Variants in TEPSIN observed in about 807,000 individuals in gnomAD.
The protein encoded by TEPSIN is AP-4 complex accessory subunit tepsin.
TEPSIN carries 50 observed loss-of-function variants against 48.5 expected under a neutral mutation model. That is an observed-to-expected ratio of 1.03 (90% CI 0.82 to 1.31). TEPSIN has a LOEUF of 1.31. TEPSIN is among the 50% of genes most tolerant of loss of function. The probability of loss-of-function intolerance (pLI) is 0.00; values close to 1 mark genes in which losing one functional copy is unlikely to be tolerated. For synonymous variants in TEPSIN, 392 were observed against 358.8 expected (o/e 1.09, Z -1.05); for missense variants, 838 against 815.9 (o/e 1.03, Z -0.33).
intron 2 of TEPSIN, 113 bp downstream of exon 2, chr17:81,237,274 T>C: frequency 7.5e-7 from 1 of 1,328,452 alleles, no homozygotes; most frequent in Non-Finnish European, 1.1e-6. Flanking sequence ...GTTACAATAA[T>C]AAAGGAGCCG....
In TEPSIN at chr17:81,233,085, A is replaced by G. The variant is rs2062651163; in HGVS notation, c.526+347T>C. 2 of 386,140 alleles carry G rather than the reference A, an allele frequency of 5.2e-6. No homozygotes were observed. The allele number at this position is 386,140 out of a possible 1,614,324, so 23.9% of individuals were successfully genotyped here. A position where few individuals can be genotyped will look rare whatever the true frequency, so the allele number is the denominator to read the frequency against. On this transcript the variant is annotated intron_variant, in intron 7 of 12. Transcript: ENST00000637944. This position sits in a 1 kb window ranked among gnomAD's most constrained non-coding sequence, Gnocchi z 5.8. Reference sequence around the variant, plus strand: ...TTGTCCACTGGTACTGCCCCACCTCATAACAGCTCCACACGGGACTGCCTG... The same window carrying G: ...TTGTCCACTGGTACTGCCCCACCTCGTAACAGCTCCACACGGGACTGCCTG...
Position 81,232,342 on chromosome 17 carries a change from G to A in TEPSIN, c.703C>T (p.Leu235Phe). The A allele has an allele frequency of 1.3e-6, 2 of 1,534,296 alleles. No homozygotes were observed. The highest frequency in any genetic ancestry group is 1.7e-6 in the Non-Finnish European group (2 of 1,145,556). Residue 235 changes from leucine (L) to phenylalanine (F), a missense_variant, in exon 8 of 13, where the codon CTC becomes TTC. By Grantham distance (22) the Leu-to-Phe change is conservative (BLOSUM62 0). Coordinates refer to ENST00000637944, the MANE Select transcript of TEPSIN (RefSeq NM_001363764.2). ...CGGGGACCTGGAATGGCCCCGGGGA[G>A]TAGGTTCCCCAGGGTTGGGGGACCG... ...SHGPPTLGNL[L>F]PGAIPGPRAV...
Position 81,233,324 on chromosome 17 carries a change from G to A in TEPSIN, c.526+108C>T. The A allele has an allele frequency of 7.6e-7, 1 of 1,314,100 alleles. No homozygotes were observed. Among genetic ancestry groups the A allele is most frequent in the South Asian group, 1.4e-5 (1 of 72,714 alleles). The allele number at this position is 1,314,100 out of a possible 1,614,324, so 81.4% of individuals were successfully genotyped here. On this transcript the variant is annotated intron_variant, in intron 7 of 12. Coordinates refer to ENST00000637944, the MANE Select transcript of TEPSIN (RefSeq NM_001363764.2). This position sits in a 1 kb window ranked among gnomAD's most constrained non-coding sequence, Gnocchi z 5.8. ...GAAGGGTTGAGGCCATGTAGGGGAG[G>A]GGACGGGGGACAGCAGCTACTAGAT...
Position 81,233,066 on chromosome 17 carries a change from A to G in TEPSIN, c.526+366T>C, listed in dbSNP as rs563065927. The G allele has an allele frequency of 5.0e-5, 16 of 321,764 alleles. No homozygotes were observed. In the East Asian group the frequency reaches 9.6e-4, roughly 19 times the overall value. The allele number at this position is 321,764 out of a possible 1,614,324, so 19.9% of individuals were successfully genotyped here. A position where few individuals can be genotyped will look rare whatever the true frequency, so the allele number is the denominator to read the frequency against. On this transcript the variant is annotated intron_variant, in intron 7 of 12. Transcript: ENST00000637944. This position sits in a 1 kb window ranked among gnomAD's most constrained non-coding sequence, Gnocchi z 5.8. ...TCCTGGCGCTGGTGAGCAGTTGTCC[A>G]CTGGTACTGCCCCACCTCATAACAG...
intron 1 of TEPSIN, chr17:81,237,781 C>T (rs569085013): frequency 1.7e-5 from 6 of 363,520 alleles, no homozygotes; most frequent in African/African-American, 1.3e-4. Context: ...TTGAAGGTAC[C>T]TCTCCTGTAC....
chr17:81,233,192 A>C lies in TEPSIN; in HGVS notation c.526+240T>G. 1.7e-6 allele frequency: 1 copy of C among 573,614 alleles called. No individual in the cohort carries two copies. The highest frequency in any genetic ancestry group is 3.1e-6 in the Non-Finnish European group (1 of 326,516). 35.5% of individuals were successfully genotyped at this position (573,614 alleles called of 1,614,324 possible). A position where few individuals can be genotyped will look rare whatever the true frequency, so the allele number is the denominator to read the frequency against. ...ACCCCTGCCACGGGGCCCAGCCCTG[A>C]CTTCTTGCTCGGCCTGGTTTCTCTC... On this transcript the variant is annotated intron_variant, in intron 7 of 12. Transcript: ENST00000637944. This position sits in a 1 kb window ranked among gnomAD's most constrained non-coding sequence, Gnocchi z 5.8.
At position 81,230,266 on chromosome 17, in the gene TEPSIN, G is replaced by A. The variant is rs977993888; in HGVS notation, c.1233+278C>T. The stretch of plus-strand genomic sequence containing the variant: ...GTAAGTGTGAGGCCAAGACACAAGG[G>A]CAGGAACATTAAGGCAGCGGAGTCT... On this transcript the variant is annotated intron_variant, in intron 12 of 12. Transcript: ENST00000637944. The surrounding 1 kb of genome is among the most constrained non-coding windows in gnomAD (Gnocchi z 4.2). The A allele has an allele frequency of 2.3e-5, 11 of 474,622 alleles. No homozygotes were observed. Among genetic ancestry groups the A allele is most frequent in the Admixed American group, 7.8e-5 (2 of 25,554 alleles). 29.4% of individuals were successfully genotyped at this position (474,622 alleles called of 1,614,324 possible).
Position 81,234,280 on chromosome 17 carries a change from A to C in TEPSIN, c.308-232T>G. Reference sequence around the variant, plus strand: ...AGGCGAGACTCTCTCCACAGCAACCACCTCGTCTCCCCCAGGGTCGGCAAC... The same window carrying C: ...AGGCGAGACTCTCTCCACAGCAACCCCCTCGTCTCCCCCAGGGTCGGCAAC... On this transcript the variant is annotated intron_variant, in intron 4 of 12. Transcript: ENST00000637944. The surrounding 1 kb of genome is among the most constrained non-coding windows in gnomAD (Gnocchi z 5.4). 5.0e-6 allele frequency: 2 copies of C among 399,370 alleles called. No homozygotes were observed. Among genetic ancestry groups the C allele is most frequent in the South Asian group, 8.0e-5 (1 of 12,558 alleles). 24.7% of individuals were successfully genotyped at this position (399,370 alleles called of 1,614,324 possible).
chr17:81,232,419 A>C lies in TEPSIN; in HGVS notation c.626T>G (p.Leu209Arg), dbSNP rs2062634476. The C allele has an allele frequency of 6.5e-7, 1 of 1,535,626 alleles. No individual in the cohort carries two copies. Among genetic ancestry groups the C allele is most frequent in the South Asian group, 1.2e-5 (1 of 84,046 alleles). ...CTGGTAGGTGTCACCCCGCGGCAGG[A>C]GCCTCCGGGTACTGGGACTCTCGGG... ...PGPESPSTRRLLPRGDTYQPA... is the reference protein window; with the variant it reads ...PGPESPSTRRRLPRGDTYQPA... The change falls in exon 8 of 13, where the codon CTC becomes CGC. Residue 209 changes from leucine to arginine, a missense_variant. Transcript: ENST00000637944.
Position 81,228,636 on chromosome 17 carries a change from G to A in TEPSIN, c.*292C>T, listed in dbSNP as rs1490916803. The A allele has an allele frequency of 3.1e-5, 15 of 488,640 alleles. No homozygotes were observed. Among genetic ancestry groups the A allele is most frequent in the Non-Finnish European group, 5.4e-5 (15 of 278,924 alleles). The allele number at this position is 488,640 out of a possible 1,614,324, so 30.3% of individuals were successfully genotyped here. On this transcript the variant is annotated 3_prime_UTR_variant, in exon 13 of 13. Coordinates refer to ENST00000637944, the MANE Select transcript of TEPSIN (RefSeq NM_001363764.2). ...AATAAGGAACCTGGTAGTCGCTTCC[G>A]CATTCATACAAGAAACCTCATGTCT... is the stretch of plus-strand genomic sequence containing the variant.
At position 81,233,929 on chromosome 17, in the gene TEPSIN, C is replaced by A; in HGVS notation, c.375+52G>T. On this transcript the variant is annotated intron_variant, in intron 5 of 12. Coordinates refer to ENST00000637944, the MANE Select transcript of TEPSIN (RefSeq NM_001363764.2). The surrounding 1 kb of genome is among the most constrained non-coding windows in gnomAD (Gnocchi z 5.8). The stretch of plus-strand genomic sequence containing the variant: ...GCTGACATCCTGGCCCCAATCCCAC[C>A]CCTCTACAGGAGGAGGGGCACCCCG... 2 of 1,555,918 alleles carry A rather than the reference C, an allele frequency of 1.3e-6. No homozygotes were observed. Among genetic ancestry groups the A allele is most frequent in the South Asian group, 2.4e-5 (2 of 83,764 alleles).
In TEPSIN at chr17:81,234,622, CCT is replaced by C. The variant is rs549786672; in HGVS notation, c.308-576_308-575del. On this transcript the variant is annotated intron_variant, in intron 4 of 12. Coordinates refer to ENST00000637944, the MANE Select transcript of TEPSIN (RefSeq NM_001363764.2). The surrounding 1 kb of genome is among the most constrained non-coding windows in gnomAD (Gnocchi z 5.4). ...TGTGCCTCTGAGAACCCCTCGAGAG[CCT>C]CTGTCACAGGCGAATCCACTCACGC... is the stretch of plus-strand genomic sequence containing the variant. 8.5e-4 allele frequency among the ~76,000 whole-genome samples: 130 copies of C among 152,192 alleles called. No individual in the cohort carries two copies. The highest frequency in any genetic ancestry group is 1.5e-3 in the Non-Finnish European group (103 of 67,996).
intron 12 of TEPSIN, chr17:81,229,680 C>T (rs893401005): frequency 7.3e-5 from 44 of 605,798 alleles, no homozygotes; most frequent in Non-Finnish European, 1.2e-4. Flanking sequence ...CTGGTGCTGG[C>T]GACACGGGGC....
At position 81,233,714 on chromosome 17, in the gene TEPSIN, G is replaced by A; in HGVS notation, c.378C>T (p.Asp126=). The A allele has an allele frequency of 6.3e-7, 1 of 1,595,934 alleles. No individual in the cohort carries two copies. The change falls in exon 6 of 13, where the codon GAC becomes GAT. Residue 126 remains aspartate (D), a splice_region_variant and synonymous_variant. Coordinates refer to ENST00000637944, the MANE Select transcript of TEPSIN (RefSeq NM_001363764.2). This position sits in a 1 kb window ranked among gnomAD's most constrained non-coding sequence, Gnocchi z 5.8. ...LYQKVRAAAQ[D]LGSTLFSDTV... is the part of the protein sequence containing the mutation. Reference sequence around the variant, plus strand: ...TGTCCGAGAACAGGGTGCTCCCCAAGTCCTACAGGGGGAGGCGAAGGCCCT... The same window carrying A: ...TGTCCGAGAACAGGGTGCTCCCCAAATCCTACAGGGGGAGGCGAAGGCCCT...
At chr17:81,232,625 C>T (rs1003616531) in intron 7 of TEPSIN, 107 bp from the exon 8 acceptor site, 4 of 1,080,090 alleles carry the variant, frequency 3.7e-6, no homozygotes, top group South Asian at 1.7e-5. Context: ...TTGGAGAGGT[C>T]GGGGTACATG....
At chr17:81,231,825 A>G (rs368569485) in intron 9 of TEPSIN, 22 bp downstream of exon 9, 82 of 1,611,410 alleles carry the variant, frequency 5.1e-5, no homozygotes, top group Middle Eastern at 3.3e-4. Context: ...CCTCTCCCAC[A>G]TATCTGGCAG....
rs189549987 is a variant in TEPSIN, at chr17:81,230,521, G to T, written c.1233+23C>A. The stretch of plus-strand genomic sequence containing the variant: ...ACTGTACCCTTGGACCCCGGTGTGC[G>T]TGTGGCCTCCGCAGCTGCCCACCTT... On this transcript the variant is annotated intron_variant, in intron 12 of 12. Transcript: ENST00000637944. This position sits in a 1 kb window ranked among gnomAD's most constrained non-coding sequence, Gnocchi z 4.2. 6.2e-6 allele frequency: 10 copies of T among 1,609,344 alleles called. No homozygotes were observed. The highest frequency in any genetic ancestry group is 8.5e-6 in the Non-Finnish European group (10 of 1,178,914).
At chr17:81,235,917 C>T (rs146174217) in intron 4 of TEPSIN, among the ~76,000 whole-genome samples, 20 of 152,336 alleles carry the variant, frequency 1.3e-4, no homozygotes, top group African/African-American at 4.3e-4. Flanking sequence ...ACACTGGTTT[C>T]GACACCGGTT....
chr17:81,229,429 C>A lies in TEPSIN; in HGVS notation c.1281G>T (p.Arg427=). ...TGGGGCCAGGCTCAGCTGAGGTGCC[C>A]CGGGCAGGGGACAGCTGCCCACAGG... ...EASCGQLSPA[R]GTSAEPGPTA... Residue 427 remains arginine (R), a synonymous_variant, in exon 13 of 13, where the codon CGG becomes CGT. Transcript: ENST00000637944. 2 of 1,550,114 alleles carry A rather than the reference C, an allele frequency of 1.3e-6. No homozygotes were observed. Among genetic ancestry groups the A allele is most frequent in the Admixed American group, 2.0e-5 (1 of 50,786 alleles).
Sources: gnomAD v4.1 joint callset for allele counts (sites outside exome capture counted in the v4.1 genomes callset) on GRCh38, gnomAD v4.1.1 for gene constraint, Gnocchi (gnomAD v3.1) non-coding constraint, MANE v1.5 for transcripts, NCBI Gene and HGNC (gene_info 2026-07-23, HGNC 2026-07-21) for gene names.